The following ZNF385D variants were observed in gnomAD, a reference collection of about 807,000 sequenced individuals.
The protein encoded by ZNF385D is zinc finger protein 385D.
Under a neutral mutation model 35.8 loss-of-function variants are expected in ZNF385D, and 15 were observed. The observed-to-expected ratio is 0.42, with a 90% CI of 0.28 to 0.64. The LOEUF (loss-of-function observed/expected upper bound fraction) is 0.64. Ranked by LOEUF, ZNF385D falls within the 30% of genes least tolerant of loss-of-function variation. The pLI is 0.23. For missense variants in ZNF385D, 474 were observed against 494.6 expected (o/e 0.96, Z 0.39); for synonymous variants, 212 against 186.8 (o/e 1.13, Z -1.10).
intron 3 of ZNF385D, among the ~76,000 whole-genome samples, chr3:21,776,933 C>T (rs1281501530): frequency 6.6e-6 from 1 of 151,938 alleles, no homozygotes; most frequent in East Asian, 1.9e-4. Flanking sequence ...GTTCTCTCCC[C>T]ATAGCTGCTG....
At chr3:22,084,188 A>C (rs4518150) in intron 3 of ZNF385D, among the ~76,000 whole-genome samples, 20,590 of 152,140 alleles carry the variant, frequency 0.14, 1,469 homozygotes, top group Non-Finnish European at 0.16. Context: ...CGGGCAAAAT[A>C]ACCAGCTAAC....
At chr3:22,076,893 A>G (rs971550305) in intron 3 of ZNF385D, among the ~76,000 whole-genome samples, 4 of 151,972 alleles carry the variant, frequency 2.6e-5, no homozygotes, top group African/African-American at 4.8e-5. Context: ...TTACAGAAAA[A>G]CAGATGAATA....
At chr3:22,183,655 G>C (rs1695435308) in intron 2 of ZNF385D, among the ~76,000 whole-genome samples, 1 of 151,984 alleles carries the variant, frequency 6.6e-6, no homozygotes, top group South Asian at 2.1e-4. Context: ...CTTTATGAAA[G>C]TTACTTATAA....
At chr3:22,363,146 G>T (rs1436006605) in intron 2 of ZNF385D, among the ~76,000 whole-genome samples, 1 of 111,444 alleles carries the variant, frequency 9.0e-6, no homozygotes, top group Admixed American at 9.2e-5. Context: ...GGCAGCAGAG[G>T]GCAAGGTCTA....
chr3:22,142,933 C>T (rs1224720290), intron 3 of ZNF385D, among the ~76,000 whole-genome samples: 1 of 151,880 alleles, frequency 6.6e-6, no homozygotes, highest in Non-Finnish European at 1.5e-5. Flanking sequence ...GGATACTGCA[C>T]TATTACTTGT....
chr3:21,581,914 G>A (rs1331736500), intron 2 of ZNF385D, among the ~76,000 whole-genome samples: 1 of 152,120 alleles, frequency 6.6e-6, no homozygotes, highest in East Asian at 1.9e-4. Flanking sequence ...GGATGACTGA[G>A]ATGCATTGCT....
chr3:21,461,589 A>G (rs1381820359), intron 4 of ZNF385D, among the ~76,000 whole-genome samples: 2 of 151,534 alleles, frequency 1.3e-5, no homozygotes, highest in African/African-American at 2.4e-5. Context: ...TCCTCTTTGA[A>G]ATTGTTTTAA....
At chr3:22,327,504 C>T (rs1694733741) in intron 2 of ZNF385D, among the ~76,000 whole-genome samples, 1 of 152,160 alleles carries the variant, frequency 6.6e-6, no homozygotes, top group African/African-American at 2.4e-5. Context: ...TTATACCCAT[C>T]ACATTGAAAA....
chr3:21,989,859 A>G (rs955235326), intron 3 of ZNF385D, among the ~76,000 whole-genome samples: 4 of 152,154 alleles, frequency 2.6e-5, no homozygotes, highest in Non-Finnish European at 4.4e-5. Flanking sequence ...TGTTGATGGT[A>G]TATGTCAAGC....
At chr3:21,562,440 A>G (rs2062985099) in intron 3 of ZNF385D, among the ~76,000 whole-genome samples, 1 of 152,102 alleles carries the variant, frequency 6.6e-6, no homozygotes, top group African/African-American at 2.4e-5. Context: ...ATCACTGGGA[A>G]TAATCAAGCA....
At chr3:22,273,074 G>C (rs1701259173) in intron 2 of ZNF385D, among the ~76,000 whole-genome samples, 2 of 151,216 alleles carry the variant, frequency 1.3e-5, no homozygotes, top group South Asian at 4.2e-4. Context: ...GAGAGAAAGA[G>C]AGAAAAAAAA....
intron 2 of ZNF385D, among the ~76,000 whole-genome samples, chr3:22,267,478 G>C (rs959002672): frequency 6.6e-6 from 1 of 151,488 alleles, no homozygotes; most frequent in Non-Finnish European, 1.5e-5. Flanking sequence ...TTATTATTTT[G>C]AAACAGTTTG....
In ZNF385D at chr3:21,568,153, TACA is replaced by T. The variant is rs371514235; in HGVS notation, c.166-3472_166-3470del. 3.8e-4 allele frequency among the ~76,000 whole-genome samples: 58 copies of T among 150,760 alleles called. 1 individual carries two copies. The South Asian group carries it at 0.012, about 31-fold the overall frequency. ...ATCTTTTATCCTTTTAGAAATCTAG[TACA>T]ACAAAATGTTTTAATATCTTTATTA... On this transcript the variant is annotated intron_variant, in intron 2 of 7. Transcript: ENST00000281523.
chr3:21,944,945 C>G (rs867926970), intron 3 of ZNF385D, among the ~76,000 whole-genome samples: 3 of 151,954 alleles, frequency 2.0e-5, no homozygotes, highest in Non-Finnish European at 4.4e-5. Flanking sequence ...AGTTTTGTAA[C>G]TCTCATTTAC....
chr3:22,168,984 T>A, exon 3 of ZNF385D: 1 of 985,816 alleles, frequency 1.0e-6, no homozygotes, highest in Non-Finnish European at 1.2e-6. Context: ...TTCTTCAAAG[T>A]CATCAGGTAT....
chr3:21,978,669 T>G (rs1703797061), intron 3 of ZNF385D, among the ~76,000 whole-genome samples: 1 of 152,216 alleles, frequency 6.6e-6, no homozygotes, highest in East Asian at 1.9e-4. Context: ...ACAAGACATT[T>G]CTATTATGTC....
chr3:22,173,577 C>A (rs554302472), intron 2 of ZNF385D, among the ~76,000 whole-genome samples: 211 of 152,290 alleles, frequency 1.4e-3, no homozygotes, highest in Middle Eastern at 3.4e-3. Context: ...TGGGAAAGAA[C>A]TGAGAAAGAA....
chr3:22,276,190 A>G (rs1393924617), intron 2 of ZNF385D, among the ~76,000 whole-genome samples: 7 of 152,294 alleles, frequency 4.6e-5, no homozygotes, highest in South Asian at 4.1e-4. Context: ...ATTTCTTTTA[A>G]AGTGTACATT....
Position 21,687,012 on chromosome 3 carries a change from C to T in ZNF385D, c.23-21984G>A, listed in dbSNP as rs571899214. Among the ~76,000 whole-genome samples, 4 of 152,250 alleles carry T rather than the reference C, an allele frequency of 2.6e-5. 1 individual carries two copies. In the South Asian group the frequency reaches 8.3e-4, roughly 32 times the overall value. On this transcript the variant is annotated intron_variant, in intron 1 of 7. Coordinates refer to ENST00000281523, the MANE Select transcript of ZNF385D (RefSeq NM_024697.3). ...CAGTGGAATGTGGCATAAGAGACAC[C>T]ATGTGCTTTCCAGAGCCCAGGCCTC...
Sources: allele counts gnomAD v4.1 joint callset (sites outside exome capture counted in the v4.1 genomes callset), GRCh38; gene constraint gnomAD v4.1.1; transcripts MANE v1.5; gene names NCBI Gene and HGNC (gene_info 2026-07-23, HGNC 2026-07-21).